The following TUT4 variants were observed in gnomAD, a reference collection of about 807,000 sequenced individuals.
TUT4 encodes the protein terminal uridylyltransferase 4.
TUT4 carries 36 observed loss-of-function variants against 192.2 expected under a neutral mutation model. The observed-to-expected ratio is 0.19, with a 90% confidence interval of 0.14 to 0.25. The LOEUF (loss-of-function observed/expected upper bound fraction) is 0.25, where lower values mean the gene tolerates loss of function less well. Ranked by LOEUF, TUT4 falls within the 10% of genes least tolerant of loss-of-function variation. TUT4 has a pLI of 1.00. For missense variants in TUT4, 1,493 were observed against 1,957.2 expected, an observed-to-expected ratio of 0.76 and a Z score of 4.47; for synonymous variants, 618 against 666.0, an observed-to-expected ratio of 0.93 and a Z score of 1.11.
intron 2 of TUT4, among the ~76,000 whole-genome samples, chr1:52,516,641 T>C (rs926471459): frequency 3.9e-5 from 6 of 152,208 alleles, no homozygotes; most frequent in African/African-American, 1.4e-4. Flanking sequence ...TCTAGCAGTA[T>C]GTATCTAACC....
rs998870034 is a variant in TUT4, at chr1:52,462,855, A to C, written c.3070-1086T>G. ...AATCATAATACATAATGATTATGGC[A>C]TTAAAAATTAACTGGAAATAGCTGA... On this transcript the variant is annotated intron_variant, in intron 16 of 29. Transcript: ENST00000257177. 6 of 985,210 alleles carry C rather than the reference A, an allele frequency of 6.1e-6. No individual in the cohort carries two copies. In the African/African-American group the frequency reaches 1.0e-4, roughly 17 times the overall value. The allele number at this position is 985,210 out of a possible 1,614,324, so 61.0% of individuals were successfully genotyped here.
At chr1:52,534,488 G>T (rs1405878184) in intron 1 of TUT4, among the ~76,000 whole-genome samples, 2 of 152,104 alleles carry the variant, frequency 1.3e-5, no homozygotes, top group East Asian at 1.9e-4. Flanking sequence ...CCAACCAGAA[G>T]TAAATTTTAT....
At chr1:52,552,400 A>G (rs1027075534) in intron 1 of TUT4, among the ~76,000 whole-genome samples, 1 of 152,176 alleles carries the variant, frequency 6.6e-6, no homozygotes, top group Non-Finnish European at 1.5e-5. Context: ...GCAAGAAACA[A>G]AATCCACACA....
At chr1:52,446,070 T>A (rs1228487609) in intron 22 of TUT4, 66 bp from the exon 23 acceptor site, 42 of 1,483,178 alleles carry the variant, frequency 2.8e-5, no homozygotes, top group Non-Finnish European at 3.4e-5. Context: ...TACTTAGAAG[T>A]CACCGCTGAA....
intron 20 of TUT4, among the ~76,000 whole-genome samples, chr1:52,455,265 C>A (rs1660551279): frequency 6.6e-6 from 1 of 152,044 alleles, no homozygotes; most frequent in Admixed American, 6.5e-5. Flanking sequence ...GCGTGGACAA[C>A]AGAGCAAGAC....
At chr1:52,447,820 T>A (rs767855944) in intron 20 of TUT4, among the ~76,000 whole-genome samples, 1 of 152,226 alleles carries the variant, frequency 6.6e-6, no homozygotes, top group Admixed American at 6.5e-5. Flanking sequence ...GGAAAGACTA[T>A]ATAAATTAGT....
intron 3 of TUT4, chr1:52,515,640 C>T: frequency 3.5e-6 from 2 of 566,168 alleles, no homozygotes; most frequent in Non-Finnish European, 6.3e-6. Flanking sequence ...AAAACAAAAG[C>T]AAGGGATAGA....
At chr1:52,465,905 T>C (rs1663976450) in intron 15 of TUT4, among the ~76,000 whole-genome samples, 1 of 152,064 alleles carries the variant, frequency 6.6e-6, no homozygotes, top group Admixed American at 6.5e-5. Flanking sequence ...GGTCTTGCTA[T>C]ATTGCCCAGG....
At chr1:52,445,737 G>A (rs1046802985) in intron 24 of TUT4, 50 bp downstream of exon 24, 1 of 1,362,156 alleles carries the variant, frequency 7.3e-7, no homozygotes, top group Non-Finnish European at 1.0e-6. Flanking sequence ...TAAGTTTCTT[G>A]TTCTATTTAA....
At chr1:52,539,809 A>C (rs943237188) in intron 1 of TUT4, among the ~76,000 whole-genome samples, 1 of 151,812 alleles carries the variant, frequency 6.6e-6, no homozygotes, top group African/African-American at 2.4e-5. Context: ...CAGGAGGCTG[A>C]GGAAGAAGAA....
At chr1:52,548,403 G>A (rs1490438956) in intron 1 of TUT4, among the ~76,000 whole-genome samples, 2 of 152,082 alleles carry the variant, frequency 1.3e-5, no homozygotes, top group African/African-American at 2.4e-5. Flanking sequence ...AACAACCTAT[G>A]TGACTACAGA....
chr1:52,498,003 G>C (rs570439557), intron 4 of TUT4, among the ~76,000 whole-genome samples: 1 of 152,162 alleles, frequency 6.6e-6, no homozygotes, highest in Non-Finnish European at 1.5e-5. Context: ...AGATATAATA[G>C]CCAAAGCTAG....
intron 2 of TUT4, among the ~76,000 whole-genome samples, chr1:52,522,966 A>G (rs1299799930): frequency 1.3e-5 from 2 of 150,806 alleles, no homozygotes; most frequent in African/African-American, 4.9e-5. Flanking sequence ...CACCAATTCA[A>G]ATAACAAGAC....
chr1:52,528,376 A>C (rs1324856464), intron 1 of TUT4, among the ~76,000 whole-genome samples: 1 of 151,776 alleles, frequency 6.6e-6, no homozygotes, highest in Non-Finnish European at 1.5e-5. Context: ...CTGTAGTCCC[A>C]GCTACTTAGG....
chr1:52,498,302 C>A (rs947439904), intron 4 of TUT4, among the ~76,000 whole-genome samples: 2 of 141,126 alleles, frequency 1.4e-5, no homozygotes, highest in Non-Finnish European at 3.0e-5. Flanking sequence ...AGTGCAGTGG[C>A]GCGATCTCAG....
intron 19 of TUT4, 120 bp from the exon 20 acceptor site, chr1:52,458,569 CAA>C (rs1661606023): frequency 1.6e-6 from 1 of 637,440 alleles, no homozygotes. Flanking sequence ...GAGTTAAAAA[CAA>C]ACTGCACCGT....
At chr1:52,550,163 A>G (rs1426317381) in intron 1 of TUT4, among the ~76,000 whole-genome samples, 1 of 152,188 alleles carries the variant, frequency 6.6e-6, no homozygotes, top group Non-Finnish European at 1.5e-5. Flanking sequence ...GTTTTTAAAC[A>G]TTTCCCCCAA....
chr1:52,543,167 G>A (rs1177053876), intron 1 of TUT4, among the ~76,000 whole-genome samples: 1 of 152,092 alleles, frequency 6.6e-6, no homozygotes, highest in Non-Finnish European at 1.5e-5. Flanking sequence ...ATCTCAGTTT[G>A]CAAATAATAT....
At chr1:52,447,862 C>A (rs1658044646) in intron 20 of TUT4, among the ~76,000 whole-genome samples, 2 of 152,194 alleles carry the variant, frequency 1.3e-5, no homozygotes, top group Non-Finnish European at 2.9e-5. Flanking sequence ...AGAAAACATA[C>A]CACACCACCT....
Sources: allele counts gnomAD v4.1 joint callset (sites outside exome capture counted in the v4.1 genomes callset), GRCh38; gene constraint gnomAD v4.1.1; transcripts MANE v1.5; gene names NCBI Gene and HGNC (gene_info 2026-07-23, HGNC 2026-07-21).